The following NSD2 variants were observed in gnomAD, a reference collection of about 807,000 sequenced individuals.
NSD2 encodes the protein nuclear receptor binding SET domain protein 2, also known as histone-lysine N-methyltransferase NSD2.
NSD2 carries 12 observed loss-of-function variants against 139.0 expected under a neutral mutation model. That is an observed-to-expected ratio of 0.09 (90% CI 0.06 to 0.14). NSD2 has a LOEUF of 0.14. Ranked by LOEUF, NSD2 falls within the 10% of genes least tolerant of loss-of-function variation. The pLI is 1.00. For missense variants in NSD2, 1,155 were observed against 1,745.0 expected, an observed-to-expected ratio of 0.66 and a Z score of 6.02; for synonymous variants, 669 against 648.7, an observed-to-expected ratio of 1.03 and a Z score of -0.48.
chr4:1,883,539 C>G (rs550198209), intron 1 of NSD2, among the ~76,000 whole-genome samples: 4 of 150,478 alleles, frequency 2.7e-5, no homozygotes, highest in African/African-American at 7.3e-5. Flanking sequence ...GGCTGAGGCA[C>G]GAGAATTGCT....
At chr4:1,920,449 A>G (rs1719968678) in intron 5 of NSD2, among the ~76,000 whole-genome samples, 1 of 152,176 alleles carries the variant, frequency 6.6e-6, no homozygotes, top group South Asian at 2.1e-4. Context: ...TCAGGAATGC[A>G]AGGGTGATTT....
intron 1 of NSD2, among the ~76,000 whole-genome samples, chr4:1,876,632 A>G (rs1472302388): frequency 6.6e-6 from 1 of 152,150 alleles, no homozygotes; most frequent in Non-Finnish European, 1.5e-5. Flanking sequence ...TTGAGGCTGC[A>G]GTGAGCTGTG....
At chr4:1,953,716 TA>T (rs1724520492) in intron 12 of NSD2, among the ~76,000 whole-genome samples, 192 bp downstream of exon 12, 1 of 152,182 alleles carries the variant, frequency 6.6e-6, no homozygotes, top group East Asian at 1.9e-4. Context: ...CTTTCCATCC[TA>T]AATATCACCC....
intron 9 of NSD2, chr4:1,940,730 A>G (rs975323383): frequency 9.4e-7 from 1 of 1,060,896 alleles, no homozygotes; most frequent in African/African-American, 1.6e-5. Flanking sequence ...TTGCTGAGTC[A>G]GAAGGCGGCA....
chr4:1,959,662 G>A lies in NSD2; in HGVS notation c.3177G>A (p.Lys1059=), dbSNP rs1725173186. The A allele has an allele frequency of 1.2e-6, 2 of 1,614,078 alleles. No individual in the cohort carries two copies. The highest frequency in any genetic ancestry group is 1.7e-6 in the Non-Finnish European group (2 of 1,180,018). ...GEFCQNQCFT[K]RQYPETKIIK... is the part of the protein sequence containing the mutation. ...TCTGCCAGAACCAGTGCTTCACCAAGCGCCAGTACCCAGAGACCAAGATCA... is the reference window on the plus strand; with the variant it reads ...TCTGCCAGAACCAGTGCTTCACCAAACGCCAGTACCCAGAGACCAAGATCA... The change falls in exon 17 of 22, where the codon AAG becomes AAA. Residue 1059 remains lysine (K), a synonymous_variant. Coordinates refer to ENST00000508803, the MANE Select transcript of NSD2 (RefSeq NM_001042424.3).
chr4:1,952,337 C>T (rs1336774616), intron 11 of NSD2, 106 bp downstream of exon 11: 5 of 1,494,118 alleles, frequency 3.3e-6, no homozygotes, highest in Non-Finnish European at 4.5e-6. Flanking sequence ...CAAGCCCCCT[C>T]CCCACCCCCA....
intron 5 of NSD2, among the ~76,000 whole-genome samples, chr4:1,928,781 G>A (rs539589905): frequency 1.1e-4 from 16 of 152,216 alleles, no homozygotes; most frequent in Admixed American, 5.2e-4. Context: ...GTGAAGGAAT[G>A]TGCTGTGTTT....
At position 1,980,241 on chromosome 4, in the gene NSD2, C is replaced by G. The variant is rs1169536773; in HGVS notation, c.*1332C>G. ...GTTCTACAGAGTGAGACCTATCTAT[C>G]TGAGTACTACATATGTTTTAAGACT... On this transcript the variant is annotated 3_prime_UTR_variant, in exon 22 of 22. Transcript: ENST00000508803. The G allele has an allele frequency of 4.3e-6, 1 of 233,112 alleles. No individual in the cohort carries two copies. The highest frequency in any genetic ancestry group is 8.5e-6 in the Non-Finnish European group (1 of 118,018). The allele number at this position is 233,112 out of a possible 1,614,324, so 14.4% of individuals were successfully genotyped here. A position where few individuals can be genotyped will look rare whatever the true frequency, so the allele number is the denominator to read the frequency against.
At chr4:1,884,767 TG>T (rs1714955373) in intron 1 of NSD2, among the ~76,000 whole-genome samples, 2 of 152,200 alleles carry the variant, frequency 1.3e-5, no homozygotes, top group South Asian at 4.1e-4. Flanking sequence ...AACAGTTTAT[TG>T]GGTTCTTTTC....
In NSD2 at chr4:1,955,296, A is replaced by T; in HGVS notation, c.2474A>T (p.His825Leu). The T allele has an allele frequency of 6.2e-7, 1 of 1,613,886 alleles. No homozygotes were observed. The highest frequency in any genetic ancestry group is 8.5e-7 in the Non-Finnish European group (1 of 1,179,922). ...AHFTARKGKR[H>L]HAHVNVSWCF... is the part of the protein sequence containing the mutation. ...TTCACTGCTCGGAAGGGGAAGCGAC[A>T]CCACGCCCACGTCAACGTGAGCTGG... Residue 825 changes from histidine to leucine, a missense_variant, in exon 13 of 22, where the codon CAC (histidine) becomes CTC (leucine). Around this residue, in one of 8 missense-constraint regions of NSD2, gnomAD observed 120 missense variants for 239.3 expected, o/e 0.50. Transcript: ENST00000508803. The surrounding 1 kb of genome is among the most constrained non-coding windows in gnomAD (Gnocchi z 4.7).
rs2109034617 is a variant in NSD2 at position 1,978,830 on chromosome 4, A to G, written c.4019A>G (p.Lys1340Arg). 1 of 1,605,376 alleles carries G rather than the reference A, an allele frequency of 6.2e-7. No homozygotes were observed. The highest frequency in any genetic ancestry group is 8.5e-7 in the Non-Finnish European group (1 of 1,173,766). The change falls in exon 22 of 22, where the codon AAG becomes AGG. Residue 1340 changes from lysine (K) to arginine (R), a missense_variant. Physicochemically the swap from Lys to Arg is conservative, Grantham distance 26. Coordinates refer to ENST00000508803, the MANE Select transcript of NSD2 (RefSeq NM_001042424.3). ...AASVRSTKTE[K>R]PPPEPGKPKG... ...TCGGTCAGAAGCACCAAGACTGAGA[A>G]GCCCCCCCCAGAGCCAGGGAAGCCG...
intron 5 of NSD2, among the ~76,000 whole-genome samples, chr4:1,927,609 C>T (rs577081279): frequency 1.3e-5 from 2 of 150,530 alleles, no homozygotes; most frequent in South Asian, 2.1e-4. Context: ...ATCCCAGCTA[C>T]TCAGGAGGCT....
Position 1,884,134 on chromosome 4 carries a change from C to CAG in NSD2, c.-30+12593_-30+12594insGA, listed in dbSNP as rs199891295. On this transcript the variant is annotated intron_variant, in intron 1 of 21. Transcript: ENST00000508803. ...GGGAGGAGATGGGGTCTTGCTCTGT[C>CAG]ACCCAGGCTGGAGTGCAGTGGCATG... 2.9e-3 allele frequency among the ~76,000 whole-genome samples: 436 copies of CAG among 152,254 alleles called. 2 individuals carry two copies. The highest frequency in any genetic ancestry group is 1.0e-2 in the African/African-American group (415 of 41,544).
intron 1 of NSD2, among the ~76,000 whole-genome samples, chr4:1,875,422 C>T (rs1233252341): frequency 6.6e-6 from 1 of 151,672 alleles, no homozygotes; most frequent in African/African-American, 2.4e-5. Flanking sequence ...GCTGGGACAA[C>T]AGGCATGTGC....
chr4:1,898,060 T>C (rs1219992747), intron 1 of NSD2, among the ~76,000 whole-genome samples: 1 of 152,190 alleles, frequency 6.6e-6, no homozygotes, highest in Non-Finnish European at 1.5e-5. Context: ...CCTTTAATAT[T>C]GTTCCACAGA....
chr4:1,979,140 G>A lies in NSD2; in HGVS notation c.*231G>A. 1 of 447,882 alleles carries A rather than the reference G, an allele frequency of 2.2e-6. No homozygotes were observed. 27.7% of individuals were successfully genotyped at this position (447,882 alleles called of 1,614,324 possible). A position where few individuals can be genotyped will look rare whatever the true frequency, so the allele number is the denominator to read the frequency against. ...CCAGCTCAGCGTTCCTGGACAAACA[G>A]CCTCACTCCTCAGCGTTACCGCCAC... On this transcript the variant is annotated 3_prime_UTR_variant, in exon 22 of 22. Transcript: ENST00000508803.
Position 1,906,654 on chromosome 4 carries a change from C to CTTTT in NSD2, c.760+2297_760+2300dup, listed in dbSNP as rs537619996. Among the ~76,000 whole-genome samples the CTTTT allele has an allele frequency of 1.7e-3, 165 of 99,938 alleles. 1 individual carries two copies. Among genetic ancestry groups the CTTTT allele is most frequent in the Non-Finnish European group, 2.0e-3 (106 of 51,818 alleles). The allele number at this position is 99,938 out of a possible 152,430, so 65.6% of individuals were successfully genotyped here. On this transcript the variant is annotated intron_variant, in intron 3 of 21. Transcript: ENST00000508803. ...GCCATTTTTACTTCTCTCTCTCTCT[C>CTTTT]TTTTTTTTTTTTTTTTTTTTTTTTG...
intron 3 of NSD2, among the ~76,000 whole-genome samples, chr4:1,906,771 G>A (rs1033091143): frequency 1.4e-5 from 2 of 142,730 alleles, no homozygotes; most frequent in African/African-American, 5.2e-5. Context: ...AGGAATTCTT[G>A]TGTCTCAGCT....
At chr4:1,938,596 G>GGGGGCCCCGGGGGGGGGGGGGGGGGGGGC in intron 8 of NSD2, 64 bp downstream of exon 8, 1 of 760,494 alleles carries the variant, frequency 1.3e-6, no homozygotes, top group Non-Finnish European at 2.2e-6. Flanking sequence ...GGGTGGGTGG[G>GGGGGCCCCGGGGGGGGGGGGGGGGGGGGC]CTGAGAGTGT....
Sources: allele counts gnomAD v4.1 joint callset (sites outside exome capture counted in the v4.1 genomes callset), GRCh38; gene constraint gnomAD v4.1.1; regional missense constraint gnomAD v4.1.1; non-coding constraint Gnocchi (gnomAD v3.1); transcripts MANE v1.5; gene names NCBI Gene and HGNC (gene_info 2026-07-23, HGNC 2026-07-21).